CDH23: variants seen among roughly 807,000 people sequenced by gnomAD.
The protein encoded by CDH23 is cadherin-23.
In CDH23, 189 loss-of-function variants were observed where a neutral mutation model predicts 317.1. The observed-to-expected ratio is 0.60, with a 90% CI of 0.53 to 0.67. The LOEUF is 0.67. Among genes scored for constraint, CDH23 ranks in the 30% least tolerant of loss-of-function variants. The pLI, the probability that CDH23 is intolerant of heterozygous loss-of-function variation, is 0.00. For missense variants in CDH23, 4,401 were observed against 4,592.4 expected, an observed-to-expected ratio of 0.96 and a Z score of 1.20; for synonymous variants, 1,839 against 1,876.8, an observed-to-expected ratio of 0.98 and a Z score of 0.52.
intron 20 of CDH23, among the ~76,000 whole-genome samples, chr10:71,692,666 C>T (rs552836040): frequency 1.3e-5 from 2 of 152,320 alleles, no homozygotes; most frequent in African/African-American, 4.8e-5. Context: ...AGCCCCTGCA[C>T]AGACCAGAGG....
At chr10:71,677,430 C>A in intron 15 of CDH23, 26 bp from the exon 16 acceptor site, 5 of 1,566,496 alleles carry the variant, frequency 3.2e-6, no homozygotes, top group East Asian at 2.3e-5. Context: ...GGTGTTCCTT[C>A]TCTCCATCCT....
intron 6 of CDH23, among the ~76,000 whole-genome samples, chr10:71,525,163 C>T (rs1239702199): frequency 6.6e-6 from 1 of 152,102 alleles, no homozygotes; most frequent in Non-Finnish European, 1.5e-5. Context: ...CACCTCGGCC[C>T]CCCAAAGTGC....
At chr10:71,519,998 G>T (rs1854573385) in intron 6 of CDH23, among the ~76,000 whole-genome samples, 1 of 152,122 alleles carries the variant, frequency 6.6e-6, no homozygotes, top group South Asian at 2.1e-4. Flanking sequence ...TGTAGAGACA[G>T]GGTCTCACCA....
intron 28 of CDH23, among the ~76,000 whole-genome samples, chr10:71,718,368 C>T (rs1177114888): frequency 6.6e-6 from 1 of 152,282 alleles, no homozygotes; most frequent in Non-Finnish European, 1.5e-5. Context: ...ACCCATTCCC[C>T]ACCACCACCC....
chr10:71,793,151 G>A, intron 47 of CDH23, 31 bp from the exon 48 acceptor site: 3 of 1,538,796 alleles, frequency 1.9e-6, no homozygotes, highest in East Asian at 4.6e-5. Context: ...AGGCCACTGT[G>A]CGCAGCTACT....
At chr10:71,786,903 A>C (rs1164219660) in intron 44 of CDH23, among the ~76,000 whole-genome samples, 1 of 151,836 alleles carries the variant, frequency 6.6e-6, no homozygotes, top group Non-Finnish European at 1.5e-5. Context: ...ATTGAGTGGC[A>C]GGACTCGGTG....
chr10:71,787,216 G>A (rs1228128644), intron 44 of CDH23, among the ~76,000 whole-genome samples: 1 of 151,952 alleles, frequency 6.6e-6, no homozygotes, highest in Non-Finnish European at 1.5e-5. Flanking sequence ...CTATTTGCCA[G>A]ACTAGAAAAC....
intron 17 of CDH23, among the ~76,000 whole-genome samples, chr10:71,681,237 C>T (rs973441499): frequency 2.0e-5 from 3 of 152,158 alleles, no homozygotes; most frequent in Admixed American, 6.5e-5. Flanking sequence ...AAGCAATAAT[C>T]TTGTTTCCCT....
chr10:71,578,453 C>T (rs1858381088), intron 9 of CDH23, among the ~76,000 whole-genome samples: 2 of 152,186 alleles, frequency 1.3e-5, no homozygotes, highest in African/African-American at 4.8e-5. Flanking sequence ...GTTCTTTTCA[C>T]ATTTCCAACC....
chr10:71,761,783 G>GT, intron 38 of CDH23: 1 of 1,614,184 alleles, frequency 6.2e-7, no homozygotes, highest in Non-Finnish European at 8.5e-7. Context: ...GTCGTGGCTG[G>GT]TGTTGGCAGC....
chr10:71,760,177 G>GTATGTATATA (rs1395571900), intron 38 of CDH23, among the ~76,000 whole-genome samples: 1 of 22,646 alleles, frequency 4.4e-5, no homozygotes, highest in Non-Finnish European at 1.1e-4. Flanking sequence ...ACATATATAT[G>GTATGTATATA]TGTGTATATA....
chr10:71,601,794 A>T (rs1860233207), intron 9 of CDH23, among the ~76,000 whole-genome samples: 1 of 152,248 alleles, frequency 6.6e-6, no homozygotes. Context: ...AAGACATTTG[A>T]AAAACCACTG....
rs561861560 is a variant in CDH23 at position 71,594,340 on chromosome 10, T to C, written c.832+16348T>C. Among the ~76,000 whole-genome samples, 25 of 151,526 alleles carry C rather than the reference T, an allele frequency of 1.6e-4. No homozygotes were observed. In the East Asian group the frequency reaches 4.6e-3, roughly 28 times the overall value. On this transcript the variant is annotated intron_variant, in intron 9 of 69. Transcript: ENST00000224721. ...CTTCCTTCCTTCCTGTTTCTTTCTT[T>C]CTCTCTCTCTCTCTCCCTCCCTCTC...
chr10:71,503,713 C>T (rs1266970737), intron 3 of CDH23, among the ~76,000 whole-genome samples: 1 of 152,122 alleles, frequency 6.6e-6, no homozygotes, highest in Non-Finnish European at 1.5e-5. Flanking sequence ...TCTTAGGACA[C>T]TGAGTAACCA....
At chr10:71,733,530 C>A (rs1289999660) in intron 32 of CDH23, among the ~76,000 whole-genome samples, 1 of 152,140 alleles carries the variant, frequency 6.6e-6, no homozygotes, top group Non-Finnish European at 1.5e-5. Flanking sequence ...GAACAAAAGA[C>A]TCCTATCACC....
chr10:71,766,331 C>T lies in CDH23; in HGVS notation c.4846-11349C>T, dbSNP rs146233864. 2.9e-3 allele frequency among the ~76,000 whole-genome samples: 436 copies of T among 152,270 alleles called. 4 individuals carry two copies. Among genetic ancestry groups the T allele is most frequent in the Middle Eastern group, 0.01 (3 of 294 alleles). Reference sequence around the variant, plus strand: ...TGCCAGGCGGGAACCGTCCAGTTGCCGTGCTGCTGTCAAGACCCAGGCCCC... The same window carrying T: ...TGCCAGGCGGGAACCGTCCAGTTGCTGTGCTGCTGTCAAGACCCAGGCCCC... On this transcript the variant is annotated intron_variant, in intron 38 of 69. Transcript: ENST00000224721.
chr10:71,525,345 C>G (rs1854976483), intron 6 of CDH23, among the ~76,000 whole-genome samples: 1 of 152,198 alleles, frequency 6.6e-6, no homozygotes, highest in African/African-American at 2.4e-5. Flanking sequence ...ACTCAAGGTG[C>G]TTTGGAGGCA....
At chr10:71,471,163 A>G (rs1051031345) in intron 3 of CDH23, among the ~76,000 whole-genome samples, 1 of 88,132 alleles carries the variant, frequency 1.1e-5, no homozygotes, top group African/African-American at 2.9e-5. Context: ...AAGCTCATGC[A>G]CTCGCCCACT....
Position 71,566,739 on chromosome 10 carries a change from C to T in CDH23, c.430-3C>T. The stretch of plus-strand genomic sequence containing the variant: ...CTTGTACTTGCTTTGCTCTCATCCC[C>T]AGAATACACCAGTGGGGACGCCCAT... On this transcript the variant is annotated splice_region_variant and splice_polypyrimidine_tract_variant and intron_variant, in intron 6 of 69. Transcript: ENST00000224721. The T allele has an allele frequency of 1.3e-6, 2 of 1,591,374 alleles. No homozygotes were observed. Among genetic ancestry groups the T allele is most frequent in the Non-Finnish European group, 1.7e-6 (2 of 1,164,896 alleles).
Sources: allele counts gnomAD v4.1 joint callset (sites outside exome capture counted in the v4.1 genomes callset), GRCh38; gene constraint gnomAD v4.1.1; transcripts MANE v1.5; gene names NCBI Gene and HGNC (gene_info 2026-07-23, HGNC 2026-07-21).